Variants in OR4F16 observed in about 807,000 individuals in gnomAD.
OR4F16 encodes the protein olfactory receptor 4F3/4F16/4F29.
At chr1:715,926 C>T in the OR4F16 span, among the ~76,000 whole-genome samples, 1,219 of 144,980 alleles carry the variant, frequency 8.4e-3, no homozygotes, top group African/African-American at 0.031. Context: ...GCTTTCTTCC[C>T]AAGCCACTAA....
chr1:690,045 T>C (rs556494502), upstream of OR4F16, among the ~76,000 whole-genome samples: 14 of 131,548 alleles, frequency 1.1e-4, no homozygotes, highest in South Asian at 3.2e-3. Flanking sequence ...GACTGTGACA[T>C]TGGGTTGCAT....
At chr1:718,485 T>C in the OR4F16 span, among the ~76,000 whole-genome samples, 8 of 95,640 alleles carry the variant, frequency 8.4e-5, no homozygotes, top group South Asian at 8.4e-4. Flanking sequence ...TCTACATCTT[T>C]AATGTATGCA....
the OR4F16 span, among the ~76,000 whole-genome samples, chr1:680,030 C>T: frequency 7.5e-6 from 1 of 133,502 alleles, no homozygotes; most frequent in African/African-American, 3.0e-5. Context: ...ATCAAGTCAG[C>T]TTCATCCCTG....
the OR4F16 span, among the ~76,000 whole-genome samples, chr1:714,231 TA>T: frequency 1.7e-5 from 1 of 58,266 alleles, no homozygotes; most frequent in African/African-American, 6.0e-5. Flanking sequence ...AAAAAGTTCA[TA>T]CATTGAAAAA....
chr1:701,565 C>G, the OR4F16 span, among the ~76,000 whole-genome samples: 88 of 150,364 alleles, frequency 5.9e-4, 4 homozygotes, highest in African/African-American at 2.1e-3. Context: ...TATATGCAGG[C>G]TGTACATATA....
chr1:692,543 G>A, the OR4F16 span, among the ~76,000 whole-genome samples: 1 of 152,324 alleles, frequency 6.6e-6, no homozygotes, highest in African/African-American at 2.4e-5. Flanking sequence ...GATGAAGCCA[G>A]TAATTAGGGA....
upstream of OR4F16, among the ~76,000 whole-genome samples, chr1:690,136 A>G (rs879580947): frequency 0.022 from 1,992 of 89,068 alleles, 32 homozygotes; most frequent in Middle Eastern, 0.035. Context: ...CACAGATGAT[A>G]ATAAATGGAA....
the OR4F16 span, among the ~76,000 whole-genome samples, chr1:710,253 ATAAT>A: frequency 2.2e-5 from 3 of 134,274 alleles, no homozygotes; most frequent in African/African-American, 2.6e-5. Context: ...TATTTTTTGC[ATAAT>A]TAAATATTAT....
the OR4F16 span, chr1:701,805 A>C: frequency 6.6e-6 from 1 of 151,410 alleles, no homozygotes; most frequent in Non-Finnish European, 1.5e-5. Context: ...GAAGCAGAAA[A>C]GATAACTATT....
the OR4F16 span, among the ~76,000 whole-genome samples, chr1:693,298 AAGG>A: frequency 7.3e-6 from 1 of 136,426 alleles, no homozygotes; most frequent in East Asian, 2.2e-4. Context: ...TGGTAGAATA[AAGG>A]AGAAGAAATA....
the OR4F16 span, among the ~76,000 whole-genome samples, chr1:712,095 C>CTATTATATATAT: frequency 2.9e-4 from 1 of 3,470 alleles, no homozygotes; most frequent in African/African-American, 6.0e-4. Context: ...TATTATATAT[C>CTATTATATATAT]ATTTCCAAAT....
chr1:692,278 AT>A, the OR4F16 span, among the ~76,000 whole-genome samples: 2 of 140,672 alleles, frequency 1.4e-5, no homozygotes, highest in African/African-American at 5.6e-5. Flanking sequence ...AAGAGGATAA[AT>A]ATTACAATAC....
the OR4F16 span, among the ~76,000 whole-genome samples, chr1:680,025 G>T: frequency 7.5e-6 from 1 of 133,572 alleles, no homozygotes; most frequent in East Asian, 2.2e-4. Context: ...CCACAATCAA[G>T]TCAGCTTCAT....
the OR4F16 span, among the ~76,000 whole-genome samples, chr1:712,571 TATA>T: frequency 9.9e-5 from 14 of 142,048 alleles, no homozygotes; most frequent in South Asian, 2.3e-4. Flanking sequence ...TCATAAAAAA[TATA>T]ATAAGAGATA....
the OR4F16 span, among the ~76,000 whole-genome samples, chr1:701,442 A>G: frequency 6.7e-6 from 1 of 149,834 alleles, no homozygotes; most frequent in African/African-American, 2.5e-5. Context: ...TAAGAAATTA[A>G]AGTTAGATTT....
chr1:718,258 CATT>C, the OR4F16 span, among the ~76,000 whole-genome samples: 1 of 86,582 alleles, frequency 1.2e-5, no homozygotes, highest in Non-Finnish European at 2.1e-5. Context: ...TGGATTGCAT[CATT>C]ATTACCTAAA....
the OR4F16 span, chr1:701,864 C>G: frequency 9.9e-5 from 15 of 151,728 alleles, no homozygotes; most frequent in African/African-American, 3.2e-4. Context: ...TACAATAACC[C>G]CCTGTGACAC....
At chr1:690,812 G>A (rs887591205), upstream of OR4F16, among the ~76,000 whole-genome samples, 4 of 147,442 alleles carry the variant, frequency 2.7e-5, no homozygotes, top group African/African-American at 1.1e-4. Flanking sequence ...TATGTAGATA[G>A]ACATAATAAA....
chr1:676,847 C>T, the OR4F16 span, among the ~76,000 whole-genome samples: 1 of 119,046 alleles, frequency 8.4e-6, no homozygotes, highest in Non-Finnish European at 1.6e-5. Context: ...GATCTCCCTG[C>T]ACAGTATTCG....
Sources: gnomAD v4.1 joint callset for allele counts (sites outside exome capture counted in the v4.1 genomes callset) on GRCh38, gnomAD v4.1.1 for gene constraint, MANE v1.5 for transcripts, NCBI Gene and HGNC (gene_info 2026-07-23, HGNC 2026-07-21) for gene names.